CPED1: variants seen among roughly 807,000 people sequenced by gnomAD.
CPED1 encodes cadherin-like and PC-esterase domain-containing protein 1.
In CPED1, 114 loss-of-function variants were observed where a neutral mutation model predicts 128.2. The observed-to-expected ratio is 0.89, with a 90% confidence interval of 0.76 to 1.04. The LOEUF is 1.04. Among genes scored for constraint, CPED1 ranks in the 50% least tolerant of loss-of-function variants. The pLI is 0.00. For missense variants in CPED1, 1,211 were observed against 1,207.1 expected (o/e 1.00, Z -0.05); for synonymous variants, 462 against 426.7 (o/e 1.08, Z -1.02).
At chr7:121,167,350 A>G (rs1796552594) in intron 16 of CPED1, among the ~76,000 whole-genome samples, 1 of 152,234 alleles carries the variant, frequency 6.6e-6, no homozygotes, top group Admixed American at 6.5e-5. Flanking sequence ...GAAGTGAGGA[A>G]GAACCCTGAG....
intron 13 of CPED1, among the ~76,000 whole-genome samples, chr7:121,134,889 G>A (rs989986113): frequency 6.6e-6 from 1 of 151,712 alleles, no homozygotes. Flanking sequence ...ACTTCTAAAT[G>A]TTCATTTTAA....
intron 16 of CPED1, among the ~76,000 whole-genome samples, chr7:121,168,755 G>A (rs181596980): frequency 1.5e-4 from 23 of 152,070 alleles, no homozygotes; most frequent in African/African-American, 4.3e-4. Context: ...TCAGCCTTTG[G>A]TAACCAACCT....
intron 16 of CPED1, among the ~76,000 whole-genome samples, chr7:121,221,605 C>T (rs1797879827): frequency 6.6e-6 from 1 of 152,228 alleles, no homozygotes; most frequent in African/African-American, 2.4e-5. Context: ...TCCTATTTCT[C>T]CACATCCTCT....
chr7:121,091,255 G>A (rs904775014), intron 5 of CPED1, among the ~76,000 whole-genome samples: 4 of 152,134 alleles, frequency 2.6e-5, no homozygotes, highest in Non-Finnish European at 2.9e-5. Context: ...CTTTAAAGAA[G>A]TGAAACAGAA....
chr7:121,072,610 A>T (rs1794023896), intron 5 of CPED1, among the ~76,000 whole-genome samples: 1 of 152,170 alleles, frequency 6.6e-6, no homozygotes, highest in African/African-American at 2.4e-5. Flanking sequence ...TATAAAAGAA[A>T]GTACCCCTAG....
chr7:121,268,990 G>T (rs1792184750), intron 21 of CPED1, among the ~76,000 whole-genome samples: 1 of 151,880 alleles, frequency 6.6e-6, no homozygotes, highest in South Asian at 2.1e-4. Flanking sequence ...TGGTAATTGT[G>T]AGAGCACCAA....
intron 5 of CPED1, among the ~76,000 whole-genome samples, chr7:121,084,498 T>C (rs1250283575): frequency 6.6e-6 from 1 of 152,232 alleles, no homozygotes. Context: ...GCTGTGGTTG[T>C]ATCATAGAGG....
At chr7:121,105,347 T>C (rs745960725) in intron 7 of CPED1, among the ~76,000 whole-genome samples, 18 of 152,134 alleles carry the variant, frequency 1.2e-4, no homozygotes, top group Non-Finnish European at 2.4e-4. Context: ...GTAATGTCTT[T>C]GGAAGAAAGT....
intron 18 of CPED1, among the ~76,000 whole-genome samples, chr7:121,255,412 C>A (rs1798779129): frequency 6.6e-6 from 1 of 151,886 alleles, no homozygotes; most frequent in Non-Finnish European, 1.5e-5. Flanking sequence ...AAAGAACATA[C>A]TTCAAAATAA....
At chr7:121,204,325 AG>A (rs1404730730) in intron 16 of CPED1, among the ~76,000 whole-genome samples, 1 of 152,152 alleles carries the variant, frequency 6.6e-6, no homozygotes, top group African/African-American at 2.4e-5. Context: ...AAAAAGGATC[AG>A]AAAAGGGATA....
At chr7:121,068,631 GT>G (rs1793914450) in intron 5 of CPED1, among the ~76,000 whole-genome samples, 1 of 150,054 alleles carries the variant, frequency 6.7e-6, no homozygotes, top group African/African-American at 2.4e-5. Flanking sequence ...CTTTAAAGTA[GT>G]TTTTTCCAAT....
chr7:121,196,215 T>C (rs1228448713), intron 16 of CPED1, among the ~76,000 whole-genome samples: 1 of 152,014 alleles, frequency 6.6e-6, no homozygotes, highest in Non-Finnish European at 1.5e-5. Flanking sequence ...GGGAGAAGAT[T>C]GCTGAGAACA....
chr7:121,254,700 C>T (rs1798764373), intron 18 of CPED1, among the ~76,000 whole-genome samples: 1 of 151,740 alleles, frequency 6.6e-6, no homozygotes, highest in African/African-American at 2.4e-5. Flanking sequence ...CAAATAAGTA[C>T]AATCATAAAT....
intron 22 of CPED1, among the ~76,000 whole-genome samples, chr7:121,279,236 G>T (rs1792388155): frequency 6.6e-6 from 1 of 150,686 alleles, no homozygotes; most frequent in Non-Finnish European, 1.5e-5. Context: ...CAGCATTTTT[G>T]ACCACAGAAT....
chr7:121,226,287 G>C (rs1798010238), intron 16 of CPED1, among the ~76,000 whole-genome samples: 1 of 152,016 alleles, frequency 6.6e-6, no homozygotes, highest in Non-Finnish European at 1.5e-5. Context: ...TCCAGATCCT[G>C]TTTGCCTGGG....
At chr7:121,077,414 A>G (rs1377721604) in intron 5 of CPED1, among the ~76,000 whole-genome samples, 1 of 152,162 alleles carries the variant, frequency 6.6e-6, no homozygotes, top group East Asian at 1.9e-4. Flanking sequence ...AAGAATAGAA[A>G]ATACAGATAA....
intron 16 of CPED1, among the ~76,000 whole-genome samples, chr7:121,232,504 C>A (rs916944936): frequency 1.3e-5 from 2 of 152,056 alleles, no homozygotes; most frequent in Admixed American, 6.6e-5. Flanking sequence ...CTTTGATCAG[C>A]AGTTCATCAG....
chr7:121,261,527 C>A, intron 18 of CPED1: 1 of 1,478,956 alleles, frequency 6.8e-7, no homozygotes, highest in South Asian at 1.2e-5. Context: ...AGGTATTTGG[C>A]CATGAGACTG....
At chr7:121,282,042 T>G (rs1792474262) in intron 22 of CPED1, among the ~76,000 whole-genome samples, 1 of 152,192 alleles carries the variant, frequency 6.6e-6, no homozygotes, top group Non-Finnish European at 1.5e-5. Flanking sequence ...TTACAAACAT[T>G]TGCCAAATCA....
Sources: gnomAD v4.1 joint callset for allele counts (sites outside exome capture counted in the v4.1 genomes callset) on GRCh38, gnomAD v4.1.1 for gene constraint, MANE v1.5 for transcripts, NCBI Gene and HGNC (gene_info 2026-07-23, HGNC 2026-07-21) for gene names.